TENM1: variants seen among roughly 807,000 people sequenced by gnomAD.
The protein encoded by TENM1 is teneurin-1.
In TENM1, 35 loss-of-function variants were observed where a neutral mutation model predicts 174.8. The observed-to-expected ratio is 0.20, with a 90% CI of 0.15 to 0.27. TENM1 has a LOEUF of 0.27. Among genes scored for constraint, TENM1 ranks in the 10% least tolerant of loss-of-function variants. The pLI is 1.00. For synonymous variants in TENM1, 781 were observed against 798.7 expected, an observed-to-expected ratio of 0.98 and a Z score of 0.37; for missense variants, 1,633 against 2,130.1, an observed-to-expected ratio of 0.77 and a Z score of 4.59.
the TENM1 span, among the ~76,000 whole-genome samples, chrX:125,109,350 T>A: frequency 8.9e-6 from 1 of 111,831 alleles, no homozygotes; most frequent in Non-Finnish European, 1.9e-5. Context: ...GAACTGGGAC[T>A]CAGTAATTGG....
chrX:124,454,394 TATATCTA>T (rs1569532497), intron 22 of TENM1, among the ~76,000 whole-genome samples: 10 of 15,735 alleles, frequency 6.4e-4, no homozygotes, highest in Non-Finnish European at 1.2e-3. Flanking sequence ...TATATCTAGG[TATATCTA>T]GGTGTTTTTT....
At chrX:125,061,112 TG>T in the TENM1 span, among the ~76,000 whole-genome samples, 4 of 111,039 alleles carry the variant, frequency 3.6e-5, no homozygotes, top group African/African-American at 1.3e-4. Context: ...GAATAGAAGA[TG>T]TTAATGTGTT....
At chrX:124,950,827 A>G (rs775206590) in intron 1 of TENM1, among the ~76,000 whole-genome samples, 1 of 111,797 alleles carries the variant, frequency 8.9e-6, no homozygotes, top group South Asian at 3.8e-4. Context: ...AAAACTGCAT[A>G]ATTGTTTTCC....
intron 25 of TENM1, among the ~76,000 whole-genome samples, chrX:124,419,711 C>T (rs1014766059): frequency 1.3e-4 from 14 of 111,979 alleles, no homozygotes; most frequent in African/African-American, 3.2e-4. Context: ...AGCCCAATCC[C>T]GTACAGAGCA....
intron 3 of TENM1, among the ~76,000 whole-genome samples, chrX:124,858,841 C>T (rs2056859997): frequency 9.1e-6 from 1 of 109,766 alleles, no homozygotes; most frequent in African/African-American, 3.3e-5. Flanking sequence ...TTTTTTAACA[C>T]ACTGGCATAT....
At chrX:125,152,532 T>C in the TENM1 span, among the ~76,000 whole-genome samples, 7 of 111,854 alleles carry the variant, frequency 6.3e-5, no homozygotes, top group South Asian at 3.8e-4. Flanking sequence ...CATCCTTCCA[T>C]AGGGAAATTT....
intron 23 of TENM1, among the ~76,000 whole-genome samples, chrX:124,425,242 A>T (rs1479551618): frequency 1.8e-5 from 2 of 111,915 alleles, no homozygotes; most frequent in Admixed American, 1.9e-4. Flanking sequence ...GAATCATAAC[A>T]GTTCTATTTT....
At chrX:124,995,090 T>C in the TENM1 span, among the ~76,000 whole-genome samples, 1 of 110,544 alleles carries the variant, frequency 9.0e-6, no homozygotes, top group African/African-American at 3.3e-5. Context: ...CACAGGGCCT[T>C]TGTACATGCT....
At chrX:124,752,339 G>A (rs2054096639) in intron 3 of TENM1, among the ~76,000 whole-genome samples, 1 of 111,662 alleles carries the variant, frequency 9.0e-6, no homozygotes, top group South Asian at 3.8e-4. Flanking sequence ...TGATGGGGCT[G>A]TTTGTTTTTT....
chrX:125,120,670 C>A, the TENM1 span, among the ~76,000 whole-genome samples: 2 of 111,760 alleles, frequency 1.8e-5, no homozygotes, highest in African/African-American at 6.5e-5. Flanking sequence ...GTTAAAAAAG[C>A]AAATTACTCA....
intron 22 of TENM1, among the ~76,000 whole-genome samples, chrX:124,475,537 C>A: frequency 8.9e-6 from 1 of 111,845 alleles, no homozygotes; most frequent in Non-Finnish European, 1.9e-5. Context: ...TACCACCATC[C>A]AAACCACCAA....
intron 23 of TENM1, among the ~76,000 whole-genome samples, chrX:124,427,393 C>A (rs1220690347): frequency 1.8e-5 from 2 of 112,477 alleles, no homozygotes; most frequent in African/African-American, 6.4e-5. Flanking sequence ...AATTTTGCCT[C>A]AAAAATACAC....
intron 14 of TENM1, 151 bp from the exon 18 acceptor site, chrX:124,547,241 T>C (rs763813931): frequency 5.0e-5 from 23 of 461,205 alleles, no homozygotes; most frequent in Non-Finnish European, 7.6e-5. Context: ...ACATTTTTCA[T>C]GAATTATCAC....
chrX:125,008,314 A>C, the TENM1 span, among the ~76,000 whole-genome samples: 3 of 111,858 alleles, frequency 2.7e-5, no homozygotes, highest in East Asian at 8.4e-4. Flanking sequence ...AAAGGGATCA[A>C]TTCAAGAAGA....
the TENM1 span, among the ~76,000 whole-genome samples, chrX:125,004,762 C>T: frequency 1.8e-5 from 2 of 111,574 alleles, no homozygotes; most frequent in African/African-American, 6.5e-5. Flanking sequence ...CATCATATTT[C>T]TCCTCTAAAT....
At chrX:124,721,906 T>G (rs2053317589) in intron 4 of TENM1, among the ~76,000 whole-genome samples, 1 of 112,446 alleles carries the variant, frequency 8.9e-6, no homozygotes, top group South Asian at 3.7e-4. Context: ...TATGTACACA[T>G]GCCTATATGC....
chrX:124,531,250 T>A (rs1165452610), intron 15 of TENM1, among the ~76,000 whole-genome samples: 1 of 108,547 alleles, frequency 9.2e-6, no homozygotes, highest in African/African-American at 3.4e-5. Flanking sequence ...ATCCTAATCA[T>A]TTCATCCTGG....
At chrX:124,380,732 T>C (rs758535543) in exon 32 of TENM1, 2 of 1,211,541 alleles carry the variant, frequency 1.7e-6, no homozygotes, top group South Asian at 3.5e-5. Context: ...TCTTTGTTCC[T>C]TAGTCCAGGC....
chrX:124,390,092 A>C (rs2060266728), intron 28 of TENM1, among the ~76,000 whole-genome samples: 2 of 112,259 alleles, frequency 1.8e-5, no homozygotes, highest in South Asian at 7.4e-4. Context: ...TGGCAGTCTC[A>C]CCGAGGTTTT....
Sources: gnomAD v4.1 joint callset for allele counts (sites outside exome capture counted in the v4.1 genomes callset) on GRCh38, gnomAD v4.1.1 for gene constraint, MANE v1.5 for transcripts, NCBI Gene and HGNC (gene_info 2026-07-23, HGNC 2026-07-21) for gene names.